The following MEST variants were observed in gnomAD, a reference collection of about 807,000 sequenced individuals.
MEST encodes the protein mesoderm specific transcript.
A neutral mutation model predicts 50.9 loss-of-function variants in MEST; 18 were observed. That is an observed-to-expected ratio of 0.35 (90% CI 0.24 to 0.52). MEST has a LOEUF of 0.52. Ranked by LOEUF, MEST falls within the 20% of genes least tolerant of loss-of-function variation. The pLI, the probability that MEST is intolerant of heterozygous loss-of-function variation, is 0.94. For missense variants in MEST, 282 were observed against 425.3 expected (o/e 0.66, Z 2.96); for synonymous variants, 130 against 154.1 (o/e 0.84, Z 1.16).
At chr7:130,489,071 C>T (rs1798708295), upstream of MEST, 1 of 152,232 alleles carries the variant, frequency 6.6e-6, no homozygotes, top group Non-Finnish European at 1.5e-5. Flanking sequence ...CATAAATATC[C>T]TGCACTTGTC....
Position 130,497,912 on chromosome 7 carries a change from C to G in MEST, c.262-24C>G. On this transcript the variant is annotated intron_variant, in intron 3 of 11. Transcript: ENST00000223215. This position sits in a 1 kb window ranked among gnomAD's most constrained non-coding sequence, Gnocchi z 4.0. The stretch of plus-strand genomic sequence containing the variant: ...AAGGGAGGGGCAGGAGCAGAAAGCC[C>G]AAATCATCGTTTCTTTCTTGTAGAT... The G allele has an allele frequency of 6.2e-7, 1 of 1,612,204 alleles. No homozygotes were observed. The highest frequency in any genetic ancestry group is 1.3e-5 in the African/African-American group (1 of 75,014).
chr7:130,487,146 C>T (rs941806223), upstream of MEST: 1 of 151,148 alleles, frequency 6.6e-6, no homozygotes, highest in Admixed American at 6.6e-5. Flanking sequence ...GTGCTGAAGC[C>T]CTTTCCTCCT....
upstream of MEST, chr7:130,490,926 A>T (rs952478741): frequency 6.6e-6 from 1 of 152,316 alleles, no homozygotes; most frequent in South Asian, 2.1e-4. Context: ...CCCGGGTTGG[A>T]TGCCCCGCGG....
chr7:130,498,772 C>G lies in MEST; in HGVS notation c.535+295C>G, dbSNP rs1003212771. ...TGTGCTTTTTCAATGCATTAGATAG[C>G]AAGTTCTAGTGGAGGACCTAGTAAC... is the stretch of plus-strand genomic sequence containing the variant. On this transcript the variant is annotated intron_variant, in intron 6 of 11. Coordinates refer to ENST00000223215, the MANE Select transcript of MEST (RefSeq NM_002402.4). 1.0e-5 allele frequency: 5 copies of G among 487,802 alleles called. No homozygotes were observed. In the Middle Eastern group the frequency reaches 1.7e-3, roughly 168 times the overall value. 30.2% of individuals were successfully genotyped at this position (487,802 alleles called of 1,614,324 possible).
At position 130,500,407 on chromosome 7, in the gene MEST, C is replaced by A; in HGVS notation, c.577-55C>A. The A allele has an allele frequency of 6.7e-7, 1 of 1,490,508 alleles. No individual in the cohort carries two copies. Among genetic ancestry groups the A allele is most frequent in the Non-Finnish European group, 9.3e-7 (1 of 1,078,706 alleles). The allele number at this position is 1,490,508 out of a possible 1,614,324, so 92.3% of individuals were successfully genotyped here. On this transcript the variant is annotated intron_variant, in intron 7 of 11. Coordinates refer to ENST00000223215, the MANE Select transcript of MEST (RefSeq NM_002402.4). This position sits in a 1 kb window ranked among gnomAD's most constrained non-coding sequence, Gnocchi z 5.0. ...GTTCCTAGTATAAAACCTTTTGCCCCGGTGAGGATCTTCCTCTGGGTTCTT... is the reference window on the plus strand; with the variant it reads ...GTTCCTAGTATAAAACCTTTTGCCCAGGTGAGGATCTTCCTCTGGGTTCTT...
At position 130,492,469 on chromosome 7, in the gene MEST, C is replaced by A; in HGVS notation, c.26+130C>A. On this transcript the variant is annotated intron_variant, in intron 1 of 11. Transcript: ENST00000223215. The surrounding 1 kb of genome is among the most constrained non-coding windows in gnomAD (Gnocchi z 7.6). Reference sequence around the variant, plus strand: ...GCGAAAACTCTACCGACAGGCGGCACGCATTCCGCGCCCGCTCTGCCTACT... The same window carrying A: ...GCGAAAACTCTACCGACAGGCGGCAAGCATTCCGCGCCCGCTCTGCCTACT... 1.4e-6 allele frequency: 1 copy of A among 735,836 alleles called. No individual in the cohort carries two copies. The highest frequency in any genetic ancestry group is 1.9e-6 in the Non-Finnish European group (1 of 533,768). 45.6% of individuals were successfully genotyped at this position (735,836 alleles called of 1,614,324 possible). A position where few individuals can be genotyped will look rare whatever the true frequency, so the allele number is the denominator to read the frequency against.
Position 130,500,592 on chromosome 7 carries a change from A to T in MEST, c.647+60A>T, listed in dbSNP as rs1799239114. On this transcript the variant is annotated intron_variant, in intron 8 of 11. Transcript: ENST00000223215. This position sits in a 1 kb window ranked among gnomAD's most constrained non-coding sequence, Gnocchi z 5.0. ...AATGTCGTGAAAAGTTGCTGCCATT[A>T]CAATTCTGGGCCAAATCCTAAGGCT... The T allele has an allele frequency of 4.6e-6, 7 of 1,519,120 alleles. No homozygotes were observed. Among genetic ancestry groups the T allele is most frequent in the African/African-American group, 1.4e-5 (1 of 72,962 alleles). The allele number at this position is 1,519,120 out of a possible 1,614,324, so 94.1% of individuals were successfully genotyped here. A position where few individuals can be genotyped will look rare whatever the true frequency, so the allele number is the denominator to read the frequency against.
At chr7:130,499,121 A>C (rs1158782929) in intron 6 of MEST, among the ~76,000 whole-genome samples, 1 of 152,200 alleles carries the variant, frequency 6.6e-6, no homozygotes, top group African/African-American at 2.4e-5. Flanking sequence ...GTGAGGACTT[A>C]ACTGTATGAG....
intron 1 of MEST, chr7:130,494,862 C>G (rs1798980302): frequency 1.0e-6 from 1 of 982,070 alleles, no homozygotes; most frequent in African/African-American, 1.7e-5. Context: ...AGTTACTACA[C>G]ACACACACTC....
At position 130,492,136 on chromosome 7, in the gene MEST, G is replaced by A. The variant is rs1228929786; in HGVS notation, c.-178G>A. The A allele has an allele frequency of 1.8e-5, 6 of 331,732 alleles. No individual in the cohort carries two copies. Among genetic ancestry groups the A allele is most frequent in the Non-Finnish European group, 2.6e-5 (5 of 195,294 alleles). 20.5% of individuals were successfully genotyped at this position (331,732 alleles called of 1,614,324 possible). ...ACCTCCTCTGCGGCAGCTGCGCCTC[G>A]CAAGCGCAGTGCCGCAGCGCACGCC... On this transcript the variant is annotated 5_prime_UTR_variant, in exon 1 of 12. Transcript: ENST00000223215. The surrounding 1 kb of genome is among the most constrained non-coding windows in gnomAD (Gnocchi z 7.6).
chr7:130,500,002 A>G lies in MEST; in HGVS notation c.576+87A>G. The G allele has an allele frequency of 9.4e-7, 1 of 1,064,220 alleles. No individual in the cohort carries two copies. Among genetic ancestry groups the G allele is most frequent in the South Asian group, 1.5e-5 (1 of 68,638 alleles). 65.9% of individuals were successfully genotyped at this position (1,064,220 alleles called of 1,614,324 possible). ...ACCTTTTAAGGGCCATAGCTCCTGTAACTGGCAGTAGTTAAATCCTCTTCC... is the reference window on the plus strand; with the variant it reads ...ACCTTTTAAGGGCCATAGCTCCTGTGACTGGCAGTAGTTAAATCCTCTTCC... On this transcript the variant is annotated intron_variant, in intron 7 of 11. Coordinates refer to ENST00000223215, the MANE Select transcript of MEST (RefSeq NM_002402.4). This position sits in a 1 kb window ranked among gnomAD's most constrained non-coding sequence, Gnocchi z 5.0.
chr7:130,495,425 C>T lies in MEST; in HGVS notation c.84C>T (p.Tyr28=), dbSNP rs1401589386. The change falls in exon 2 of 12, where the codon TAC becomes TAT. Residue 28 remains tyrosine (Y), a synonymous_variant. Coordinates refer to ENST00000223215, the MANE Select transcript of MEST (RefSeq NM_002402.4). The stretch of plus-strand genomic sequence containing the variant: ...TGGCCGTGCCCCTGCTTGCTGCGTA[C>T]CTGCACATCCCACCCCCTCAGCTCT... The part of the protein sequence containing the change: ...GLLAVPLLAA[Y]LHIPPPQLSP... 6.2e-7 allele frequency: 1 copy of T among 1,613,928 alleles called. No individual in the cohort carries two copies. Among genetic ancestry groups the T allele is most frequent in the Non-Finnish European group, 8.5e-7 (1 of 1,179,928 alleles).
chr7:130,499,420 C>A (rs1436019963), intron 6 of MEST, among the ~76,000 whole-genome samples: 1 of 152,194 alleles, frequency 6.6e-6, no homozygotes, highest in Non-Finnish European at 1.5e-5. Context: ...AAATCATTAA[C>A]CCTCGTGTTC....
chr7:130,488,460 A>G (rs1798687655), upstream of MEST: 1 of 152,244 alleles, frequency 6.6e-6, no homozygotes, highest in African/African-American at 2.4e-5. Context: ...TTTTCTTCAA[A>G]CCAAACATGC....
chr7:130,501,182 G>C (rs1799264675), intron 9 of MEST: 2 of 244,612 alleles, frequency 8.2e-6, no homozygotes, highest in Non-Finnish European at 1.6e-5. Flanking sequence ...TGCAGCAACG[G>C]GGAGTGAGAG....
intron 9 of MEST, among the ~76,000 whole-genome samples, chr7:130,502,264 G>A (rs1799304390): frequency 6.6e-6 from 1 of 152,178 alleles, no homozygotes; most frequent in Admixed American, 6.5e-5. Context: ...AGGAAACCGA[G>A]TTGAAAGATC....
upstream of MEST, chr7:130,489,418 G>A (rs1554434530): frequency 6.6e-6 from 1 of 152,256 alleles, no homozygotes; most frequent in East Asian, 1.9e-4. Flanking sequence ...TGTTTTCTCA[G>A]GGCTCCAAGT....
rs1554437458 is a variant in MEST, at chr7:130,497,918, A to G, written c.262-18A>G. 6.2e-7 allele frequency: 1 copy of G among 1,613,548 alleles called. No homozygotes were observed. Among genetic ancestry groups the G allele is most frequent in the Non-Finnish European group, 8.5e-7 (1 of 1,179,432 alleles). ...GGGGCAGGAGCAGAAAGCCCAAATCATCGTTTCTTTCTTGTAGATTTGGGA... is the reference window on the plus strand; with the variant it reads ...GGGGCAGGAGCAGAAAGCCCAAATCGTCGTTTCTTTCTTGTAGATTTGGGA... On this transcript the variant is annotated intron_variant, in intron 3 of 11. Coordinates refer to ENST00000223215, the MANE Select transcript of MEST (RefSeq NM_002402.4). The surrounding 1 kb of genome is among the most constrained non-coding windows in gnomAD (Gnocchi z 4.0).
chr7:130,500,768 C>G lies in MEST; in HGVS notation c.648-21C>G. ...CTGAGTTCTCCTCACACTTATCTTC[C>G]TGCGTTTTGGACTCTTTCAGTCTCA... On this transcript the variant is annotated intron_variant, in intron 8 of 11. Transcript: ENST00000223215. The surrounding 1 kb of genome is among the most constrained non-coding windows in gnomAD (Gnocchi z 5.0). 6.3e-7 allele frequency: 1 copy of G among 1,590,560 alleles called. No individual in the cohort carries two copies. Among genetic ancestry groups the G allele is most frequent in the Non-Finnish European group, 8.6e-7 (1 of 1,166,808 alleles).
Sources: gnomAD v4.1 joint callset for allele counts (sites outside exome capture counted in the v4.1 genomes callset) on GRCh38, gnomAD v4.1.1 for gene constraint, Gnocchi (gnomAD v3.1) non-coding constraint, MANE v1.5 for transcripts, NCBI Gene and HGNC (gene_info 2026-07-23, HGNC 2026-07-21) for gene names.